The following DPY19L2 variants were observed in gnomAD, a reference collection of about 807,000 sequenced individuals.
DPY19L2 encodes the protein probable C-mannosyltransferase DPY19L2.
DPY19L2 carries 34 observed loss-of-function variants against 97.9 expected under a neutral mutation model. That is an observed-to-expected ratio of 0.35 (90% confidence interval 0.26 to 0.46). The LOEUF (loss-of-function observed/expected upper bound fraction) is 0.46, where lower values mean the gene tolerates loss of function less well. DPY19L2 is among the 20% of genes least tolerant of loss of function. The pLI is 1.00. For missense variants in DPY19L2, 623 were observed against 911.4 expected (o/e 0.68, Z 4.07); for synonymous variants, 230 against 307.9 (o/e 0.75, Z 2.65).
chr12:63,615,503 A>G (rs1211099572), intron 11 of DPY19L2, among the ~76,000 whole-genome samples: 1 of 152,180 alleles, frequency 6.6e-6, no homozygotes, highest in African/African-American at 2.4e-5. Flanking sequence ...CTAATATATC[A>G]AGCTATACCA....
In DPY19L2 at chr12:63,632,384, A is replaced by G. The variant is rs146503833; in HGVS notation, c.804-5858T>C. Among the ~76,000 whole-genome samples the G allele has an allele frequency of 3.0e-3, 464 of 152,314 alleles. 1 individual carries two copies. The highest frequency in any genetic ancestry group is 6.0e-3 in the Admixed American group (92 of 15,302). On this transcript the variant is annotated intron_variant, in intron 6 of 21. Coordinates refer to ENST00000324472, the MANE Select transcript of DPY19L2 (RefSeq NM_173812.5). ...CAGCAAAGTCTCAGGATACAAAATCAATGTGCAAAAATCACAACCATTCCT... is the reference window on the plus strand; with the variant it reads ...CAGCAAAGTCTCAGGATACAAAATCGATGTGCAAAAATCACAACCATTCCT...
At chr12:63,641,182 G>C (rs35049932) in intron 6 of DPY19L2, among the ~76,000 whole-genome samples, 25,374 of 151,960 alleles carry the variant, frequency 0.17, 2,193 homozygotes, top group Middle Eastern at 0.22. Context: ...GAGATTACAG[G>C]AGTGAGCCAC....
chr12:63,627,737 T>C (rs749204001), intron 6 of DPY19L2, among the ~76,000 whole-genome samples: 2 of 152,202 alleles, frequency 1.3e-5, no homozygotes, highest in Admixed American at 1.3e-4. Context: ...AGCGTTTCTA[T>C]GCTTCCATTT....
At chr12:63,631,557 T>C (rs1376951317) in intron 6 of DPY19L2, among the ~76,000 whole-genome samples, 4 of 152,074 alleles carry the variant, frequency 2.6e-5, no homozygotes, top group Admixed American at 2.0e-4. Flanking sequence ...GGCTCTGAAA[T>C]TGAGGCAATA....
intron 8 of DPY19L2, 198 bp downstream of exon 8, chr12:63,623,842 T>G (rs1467273622): frequency 4.9e-6 from 2 of 411,784 alleles, no homozygotes; most frequent in African/African-American, 4.1e-5. Context: ...GTAGCTGGGA[T>G]GACAGATGCA....
intron 16 of DPY19L2, among the ~76,000 whole-genome samples, chr12:63,585,735 A>G (rs1881685012): frequency 1.3e-5 from 2 of 152,188 alleles, no homozygotes; most frequent in Non-Finnish European, 2.9e-5. Context: ...CAAGACACAG[A>G]TATCATGAAA....
intron 12 of DPY19L2, among the ~76,000 whole-genome samples, chr12:63,608,100 CA>C (rs1886361223): frequency 6.6e-6 from 1 of 152,024 alleles, no homozygotes; most frequent in Non-Finnish European, 1.5e-5. Context: ...AGAAGCCAAA[CA>C]AAAATTAGGT....
At chr12:63,582,980 A>G (rs1479436715) in intron 17 of DPY19L2, among the ~76,000 whole-genome samples, 3 of 152,056 alleles carry the variant, frequency 2.0e-5, no homozygotes, top group Non-Finnish European at 2.9e-5. Flanking sequence ...GAAATCTACA[A>G]TGCTCCAAAA....
intron 12 of DPY19L2, among the ~76,000 whole-genome samples, chr12:63,600,770 T>C (rs974234951): frequency 1.3e-5 from 2 of 151,078 alleles, no homozygotes; most frequent in African/African-American, 4.9e-5. Context: ...CTTATACATA[T>C]CCTAAATCTA....
intron 11 of DPY19L2, among the ~76,000 whole-genome samples, chr12:63,616,598 A>G (rs959358393): frequency 8.5e-5 from 13 of 152,256 alleles, no homozygotes; most frequent in African/African-American, 2.9e-4. Context: ...GTATAACTAC[A>G]ATGTAATAGA....
chr12:63,572,819 A>C (rs1008589875), intron 19 of DPY19L2, among the ~76,000 whole-genome samples: 1 of 152,098 alleles, frequency 6.6e-6, no homozygotes, highest in African/African-American at 2.4e-5. Context: ...TCTGGATTTT[A>C]TCCAAGACCA....
Position 63,560,516 on chromosome 12 carries a change from T to C in DPY19L2, c.2273A>G (p.Asn758Ser), listed in dbSNP as rs1316802685. Reference protein sequence around the residue: ...QNSVYRVLKVN With the variant: ...QNSVYRVLKVS ...GTAAAATGGGTAGTATCCTTCTCAG[T>C]TAACCTTTAATACTCTGTACACACT... Residue 758 changes from asparagine to serine, a missense_variant, in exon 22 of 22, where the codon AAC becomes AGC. Coordinates refer to ENST00000324472, the MANE Select transcript of DPY19L2 (RefSeq NM_173812.5). The C allele has an allele frequency of 6.2e-7, 1 of 1,612,868 alleles. No individual in the cohort carries two copies. The highest frequency in any genetic ancestry group is 1.3e-5 in the African/African-American group (1 of 74,916).
intron 18 of DPY19L2, among the ~76,000 whole-genome samples, chr12:63,581,474 A>G (rs1225137129): frequency 7.2e-6 from 1 of 139,456 alleles, no homozygotes; most frequent in Non-Finnish European, 1.5e-5. Flanking sequence ...GTGAACCAGG[A>G]AACTCTTTTT....
At chr12:63,612,242 A>G (rs1887129794) in intron 11 of DPY19L2, among the ~76,000 whole-genome samples, 1 of 152,076 alleles carries the variant, frequency 6.6e-6, no homozygotes, top group African/African-American at 2.4e-5. Context: ...TTTGCACTAA[A>G]GGAAATGTTA....
At chr12:63,598,524 T>C (rs1249653859) in intron 13 of DPY19L2, among the ~76,000 whole-genome samples, 1 of 152,180 alleles carries the variant, frequency 6.6e-6, no homozygotes, top group Admixed American at 6.5e-5. Flanking sequence ...TCTATTTTTC[T>C]ACTGATTATA....
At chr12:63,596,844 A>G (rs1884331378) in intron 14 of DPY19L2, among the ~76,000 whole-genome samples, 1 of 152,156 alleles carries the variant, frequency 6.6e-6, no homozygotes, top group Non-Finnish European at 1.5e-5. Context: ...CCACGTCCTG[A>G]TCTTGGCTTG....
At chr12:63,654,308 T>TA (rs1258298841) in intron 4 of DPY19L2, among the ~76,000 whole-genome samples, 1 of 151,796 alleles carries the variant, frequency 6.6e-6, no homozygotes, top group Non-Finnish European at 1.5e-5. Flanking sequence ...CTAGAACCAC[T>TA]AAAAAAAGCT....
At chr12:63,581,957 T>C (rs1881012385) in intron 18 of DPY19L2, among the ~76,000 whole-genome samples, 2 of 150,360 alleles carry the variant, frequency 1.3e-5, no homozygotes, top group Non-Finnish European at 3.0e-5. Context: ...CTCGCCACCA[T>C]ACCCGGCTAA....
chr12:63,642,150 G>T (rs1451277446), intron 6 of DPY19L2, among the ~76,000 whole-genome samples: 2 of 152,076 alleles, frequency 1.3e-5, no homozygotes, highest in African/African-American at 4.8e-5. Context: ...CAAGGACAGA[G>T]ATCTCTGTCC....
Sources: gnomAD v4.1 joint callset for allele counts (sites outside exome capture counted in the v4.1 genomes callset) on GRCh38, gnomAD v4.1.1 for gene constraint, MANE v1.5 for transcripts, NCBI Gene and HGNC (gene_info 2026-07-23, HGNC 2026-07-21) for gene names.